The following EPG5 variants were observed in gnomAD, a reference collection of about 807,000 sequenced individuals.
EPG5 encodes ectopic P granules protein 5 homolog.
A neutral mutation model predicts 302.7 loss-of-function variants in EPG5; 159 were observed. The ratio of observed to expected loss-of-function variants is 0.53; its 90% CI spans 0.46 to 0.60. EPG5 has a LOEUF of 0.60. Among genes scored for constraint, EPG5 ranks in the 20% least tolerant of loss-of-function variants. The pLI is 0.00. For missense variants in EPG5, 2,896 were observed against 3,092.4 expected, an observed-to-expected ratio of 0.94 and a Z score of 1.51; for synonymous variants, 1,158 against 1,136.8, an observed-to-expected ratio of 1.02 and a Z score of -0.37.
the EPG5 span, among the ~76,000 whole-genome samples, chr18:45,839,681 T>C: frequency 3.3e-5 from 5 of 152,006 alleles, no homozygotes; most frequent in African/African-American, 1.2e-4. Flanking sequence ...AATAAAAATA[T>C]GTAAGTAGGC....
chr18:45,918,311 G>A (rs921348967), intron 16 of EPG5, among the ~76,000 whole-genome samples: 1 of 152,112 alleles, frequency 6.6e-6, no homozygotes, highest in African/African-American at 2.4e-5. Flanking sequence ...TGGAACACTC[G>A]TATCATACTT....
At chr18:45,890,118 T>C (rs2049309341) in intron 27 of EPG5, 178 bp from the exon 28 acceptor site, 1 of 468,586 alleles carries the variant, frequency 2.1e-6, no homozygotes, top group Non-Finnish European at 3.7e-6. Context: ...CAAAGCCTTT[T>C]GTAGGATACT....
chr18:45,951,044 T>C, intron 4 of EPG5, 58 bp downstream of exon 4: 1 of 1,339,432 alleles, frequency 7.5e-7, no homozygotes, highest in Non-Finnish European at 9.8e-7. Context: ...TAACAGATAA[T>C]TCCTAAATTA....
At chr18:45,844,380 A>T (rs374264494), downstream of EPG5, among the ~76,000 whole-genome samples, 19 of 152,288 alleles carry the variant, frequency 1.2e-4, no homozygotes, top group East Asian at 3.1e-3. Flanking sequence ...TTAACAACTT[A>T]TTGTATATTT....
In EPG5 at chr18:45,857,913, C is replaced by T; in HGVS notation, c.7382G>A (p.Arg2461Lys). ...TGCCCCCAGGATCCCAGAGCTGAGT[C>T]TCTCCTCAGCCACGAGGTTCTGCCT... The part of the protein sequence containing the change: ...QSRQNLVAEE[R>K]LSSGILGAIG... The change falls in exon 42 of 44, where the codon AGA becomes AAA. Residue 2461 changes from arginine (R) to lysine (K), a missense_variant. Arg to Lys is a conservative substitution (Grantham distance 26). Around this residue, in one of 5 missense-constraint regions of EPG5, gnomAD observed 620 missense variants for 704.2 expected, o/e 0.88. Transcript: ENST00000282041. The T allele has an allele frequency of 6.2e-7, 1 of 1,612,742 alleles. No individual in the cohort carries two copies. Among genetic ancestry groups the T allele is most frequent in the Non-Finnish European group, 8.5e-7 (1 of 1,180,016 alleles).
intron 27 of EPG5, 32 bp downstream of exon 27, chr18:45,899,372 T>C: frequency 6.2e-7 from 1 of 1,611,798 alleles, no homozygotes; most frequent in Non-Finnish European, 8.5e-7. Flanking sequence ...CAATTAAAAT[T>C]CTCTCAGTTC....
chr18:45,954,641 G>A lies in EPG5; in HGVS notation c.761C>T (p.Pro254Leu). The A allele has an allele frequency of 6.2e-7, 1 of 1,614,232 alleles. No homozygotes were observed. Residue 254 changes from proline to leucine, a missense_variant, in exon 2 of 44, where the codon CCA becomes CTA. Pro to Leu is a moderately conservative substitution (Grantham distance 98). Coordinates refer to ENST00000282041, the MANE Select transcript of EPG5 (RefSeq NM_020964.3). ...GATTTTTAGCTGTTCTTTAGTAAAT[G>A]GTACTAGTTCCAGTTGAGACGGGAG... ...PELPSQLELVPFTKEQLKILE... is the reference protein window; with the variant it reads ...PELPSQLELVLFTKEQLKILE...
At chr18:45,838,785 T>C in the EPG5 span, 1 of 1,567,322 alleles carries the variant, frequency 6.4e-7, no homozygotes, top group Non-Finnish European at 8.6e-7. Context: ...CGCTCTGCAC[T>C]GCCGAAGGGG....
In EPG5 at chr18:45,858,653, A is replaced by G; in HGVS notation, c.7139T>C (p.Leu2380Pro). 1 of 1,614,176 alleles carries G rather than the reference A, an allele frequency of 6.2e-7. No individual in the cohort carries two copies. Among genetic ancestry groups the G allele is most frequent in the Non-Finnish European group, 8.5e-7 (1 of 1,180,018 alleles). ...AGTCTGTTCGCTGTTTAAACACTGA[A>G]GCAAGTAGACGTAAAGAGTCAAGTA... Reference protein sequence around the residue: ...GSYLTLYVYLLQCLNSEQTLR... With the variant: ...GSYLTLYVYLPQCLNSEQTLR... The change falls in exon 41 of 44, where the codon CTT becomes CCT. Residue 2380 changes from leucine (L) to proline (P), a missense_variant. By Grantham distance (98) the Leu-to-Pro change is moderately conservative (BLOSUM62 -3). Transcript: ENST00000282041.
chr18:45,907,149 G>A (rs1413134702), intron 24 of EPG5: 1 of 152,146 alleles, frequency 6.6e-6, no homozygotes, highest in Non-Finnish European at 1.5e-5. Context: ...AAGAAAACAA[G>A]AAAAAGACAC....
intron 36 of EPG5, chr18:45,868,238 G>T: frequency 2.2e-6 from 1 of 452,378 alleles, no homozygotes; most frequent in Non-Finnish European, 4.4e-6. Flanking sequence ...GCCAGAATGT[G>T]TAAGTTCCCA....
intron 5 of EPG5, among the ~76,000 whole-genome samples, chr18:45,949,091 C>CTAA (rs1287746589): frequency 6.6e-6 from 1 of 152,128 alleles, no homozygotes; most frequent in Non-Finnish European, 1.5e-5. Context: ...GAGATCTCTG[C>CTAA]TAATATTAAA....
In EPG5 at chr18:45,942,968, T is replaced by A. The variant is rs932170572; in HGVS notation, c.1943+193A>T. Among the ~76,000 whole-genome samples, 3 of 152,186 alleles carry A rather than the reference T, an allele frequency of 2.0e-5. No homozygotes were observed. The East Asian group carries it at 5.8e-4, about 29-fold the overall frequency. ...TCTAGCAAGCCAGTTAAATTTGAGA[T>A]AATTAACGAAATACTCTAACTGGAA... On this transcript the variant is annotated intron_variant, in intron 9 of 43. Transcript: ENST00000282041.
At chr18:45,941,636 TA>T (rs1485735166) in intron 9 of EPG5, among the ~76,000 whole-genome samples, 1 of 152,210 alleles carries the variant, frequency 6.6e-6, no homozygotes, top group Non-Finnish European at 1.5e-5. Context: ...CTTAAAACAG[TA>T]ATGATACCAA....
intron 39 of EPG5, among the ~76,000 whole-genome samples, chr18:45,862,057 T>C (rs569243592): frequency 5.9e-5 from 9 of 152,346 alleles, no homozygotes; most frequent in Middle Eastern, 3.4e-3. Flanking sequence ...GGTTATCCTA[T>C]AAATGAAAAC....
chr18:45,896,488 C>T (rs1481173425), intron 27 of EPG5, among the ~76,000 whole-genome samples: 1 of 151,662 alleles, frequency 6.6e-6, no homozygotes, highest in Admixed American at 6.6e-5. Context: ...CCTTTTTTCC[C>T]TCTCTCCTTC....
chr18:45,910,637 G>A lies in EPG5; in HGVS notation c.4089C>T (p.His1363=), dbSNP rs3744996. ...CACGGAGGGCCTTGCTTGCAGCATG[G>A]TGGAAGTCAGCCACCTCGGTCAAAC... ...KRRLTEVADF[H]HAASKALRVP... The change falls in exon 23 of 44, where the codon CAC becomes CAT. Residue 1363 remains histidine (H), a synonymous_variant. Coordinates refer to ENST00000282041, the MANE Select transcript of EPG5 (RefSeq NM_020964.3). 277,784 of 1,613,820 alleles carry A rather than the reference G, an allele frequency of 0.17. 27,910 individuals are homozygous for A. Among genetic ancestry groups the A allele is most frequent in the Admixed American group, 0.39 (23,264 of 59,996 alleles).
the EPG5 span, among the ~76,000 whole-genome samples, chr18:45,841,304 G>GT: frequency 2.0e-5 from 3 of 152,116 alleles, no homozygotes; most frequent in Non-Finnish European, 1.5e-5. Flanking sequence ...GAGTGTGGAC[G>GT]TAAGACAGGG....
chr18:45,825,556 G>A, the EPG5 span: 1 of 631,168 alleles, frequency 1.6e-6, no homozygotes. Context: ...ACCTCAGGCT[G>A]CCAGGCTTCC....
Sources: gnomAD v4.1 joint callset for allele counts (sites outside exome capture counted in the v4.1 genomes callset) on GRCh38, gnomAD v4.1.1 for gene constraint, gnomAD v4.1.1 regional missense constraint, MANE v1.5 for transcripts, NCBI Gene and HGNC (gene_info 2026-07-23, HGNC 2026-07-21) for gene names.